Variants in CEP192 observed in about 807,000 individuals in gnomAD.
CEP192 encodes the protein centrosomal protein of 192 kDa.
A neutral mutation model predicts 271.8 loss-of-function variants in CEP192; 151 were observed. The observed-to-expected ratio is 0.56, with a 90% confidence interval of 0.49 to 0.64. The LOEUF (loss-of-function observed/expected upper bound fraction) is 0.64. Among genes scored for constraint, CEP192 ranks in the 30% least tolerant of loss-of-function variants. The pLI, the probability that CEP192 is intolerant of heterozygous loss-of-function variation, is 0.00. For synonymous variants in CEP192, 995 were observed against 1,076.5 expected (o/e 0.92, Z 1.48); for missense variants, 2,910 against 3,020.5 (o/e 0.96, Z 0.86).
intron 20 of CEP192, 135 bp from the exon 21 acceptor site, chr18:13,058,947 G>C: frequency 1.6e-6 from 1 of 643,630 alleles, no homozygotes; most frequent in Non-Finnish European, 2.7e-6. Flanking sequence ...ACAAGGTTTT[G>C]ACATTTTTGA....
At position 13,049,312 on chromosome 18, in the gene CEP192, A is replaced by G; in HGVS notation, c.2521A>G (p.Thr841Ala). ...SVSVRAPEEN[T>A]AAIVYVENGE... ...AAGTGTGAGGGCACCAGAAGAAAACACAGCAGCTATTGTTTATGTTGAAAA... is the reference window on the plus strand; with the variant it reads ...AAGTGTGAGGGCACCAGAAGAAAACGCAGCAGCTATTGTTTATGTTGAAAA... The change falls in exon 16 of 45, where the codon ACA becomes GCA. Residue 841 changes from threonine (T) to alanine (A), a missense_variant. By Grantham distance (58) the Thr-to-Ala change is moderately conservative (BLOSUM62 0). Coordinates refer to ENST00000506447, the MANE Select transcript of CEP192 (RefSeq NM_032142.4). 2 of 1,614,178 alleles carry G rather than the reference A, an allele frequency of 1.2e-6. No individual in the cohort carries two copies. The highest frequency in any genetic ancestry group is 8.5e-7 in the Non-Finnish European group (1 of 1,180,028).
Position 13,041,104 on chromosome 18 carries a change from T to C in CEP192, c.1936+148T>C, listed in dbSNP as rs958849014. 1.3e-4 allele frequency: 79 copies of C among 616,362 alleles called. No individual in the cohort carries two copies. The African/African-American group carries it at 1.4e-3, about 11-fold the overall frequency. 38.2% of individuals were successfully genotyped at this position (616,362 alleles called of 1,614,324 possible). A position where few individuals can be genotyped will look rare whatever the true frequency, so the allele number is the denominator to read the frequency against. On this transcript the variant is annotated intron_variant, in intron 14 of 44. Transcript: ENST00000506447. ...GTGTTGGTTATAGATTTGATTCATA[T>C]GTAACCCCATATATCCTTTTCAATC...
rs140835195 is a variant in CEP192 at position 13,041,231 on chromosome 18, G to T, written c.1936+275G>T. Among the ~76,000 whole-genome samples the T allele has an allele frequency of 5.8e-3, 879 of 152,264 alleles. 14 individuals carry two copies. The highest frequency in any genetic ancestry group is 0.02 in the African/African-American group (842 of 41,548). On this transcript the variant is annotated intron_variant, in intron 14 of 44. Transcript: ENST00000506447. ...AGTTAATGTTGGCTATTGAATTATT[G>T]AGTTAATTAATCGTAGATATAATTT...
chr18:12,999,340 GT>G (rs2033462587), intron 1 of CEP192, 80 bp from the exon 2 acceptor site: 2 of 1,120,566 alleles, frequency 1.8e-6, no homozygotes, highest in Non-Finnish European at 1.2e-6. Flanking sequence ...AGATTTATTA[GT>G]TTTCTAAGAC....
chr18:13,029,260 ATAT>A (rs1568304016), intron 9 of CEP192, among the ~76,000 whole-genome samples: 2 of 152,278 alleles, frequency 1.3e-5, no homozygotes, highest in African/African-American at 4.8e-5. Context: ...CTATTAAAAG[ATAT>A]TAATATCTAG....
In CEP192 at chr18:13,011,532, T is replaced by TTTTG. The variant is rs769127652; in HGVS notation, c.467-1438_467-1437insGTTT. ...AGAAACTTTGTTTTGTTTTGTTTTG[T>TTTTG]TTTTTTTTGAGACAGAGTCTTGCTC... is the stretch of plus-strand genomic sequence containing the variant. On this transcript the variant is annotated intron_variant, in intron 4 of 44. Coordinates refer to ENST00000506447, the MANE Select transcript of CEP192 (RefSeq NM_032142.4). 1.3e-3 allele frequency among the ~76,000 whole-genome samples: 19 copies of TTTTG among 15,080 alleles called. No homozygotes were observed. The African/African-American group carries it at 0.016, about 12-fold the overall frequency. 9.9% of individuals were successfully genotyped at this position (15,080 alleles called of 152,430 possible).
At chr18:13,072,694 C>A in intron 28 of CEP192, 61 bp from the exon 29 acceptor site, 1 of 1,169,060 alleles carries the variant, frequency 8.6e-7, no homozygotes, top group Non-Finnish European at 1.3e-6. Context: ...TGGCTTTATT[C>A]TTATAATGGT....
At chr18:13,015,036 A>G (rs900281523) in intron 5 of CEP192, among the ~76,000 whole-genome samples, 58 of 152,118 alleles carry the variant, frequency 3.8e-4, no homozygotes, top group African/African-American at 1.3e-3. Flanking sequence ...AAGTTCAGTT[A>G]TGTATTTGTG....
Position 13,068,943 on chromosome 18 carries a change from C to G in CEP192, c.4914C>G (p.Leu1638=). ...CGCCCGTTCTTAGAAGTGTGAGTCTCCGAGCAAGAGCAGGAATAGCTAGGA... is the reference window on the plus strand; with the variant it reads ...CGCCCGTTCTTAGAAGTGTGAGTCTGCGAGCAAGAGCAGGAATAGCTAGGA... ...NPTPVLRSVS[L]RARAGIARIH... The change falls in exon 25 of 45, where the codon CTC becomes CTG. Residue 1638 remains leucine, a synonymous_variant. Coordinates refer to ENST00000506447, the MANE Select transcript of CEP192 (RefSeq NM_032142.4). 3 of 1,614,142 alleles carry G rather than the reference C, an allele frequency of 1.9e-6. No homozygotes were observed. Among genetic ancestry groups the G allele is most frequent in the Non-Finnish European group, 2.5e-6 (3 of 1,180,028 alleles).
chr18:13,018,673 T>TA lies in CEP192; in HGVS notation c.925+58_925+59insA. 11 of 1,202,896 alleles carry TA rather than the reference T, an allele frequency of 9.1e-6. No individual in the cohort carries two copies. In the African/African-American group the frequency reaches 9.4e-5, roughly 10 times the overall value. 74.5% of individuals were successfully genotyped at this position (1,202,896 alleles called of 1,614,324 possible). ...AGTTCTAGTTTTGACTTTACTTTTTTTAAAAAAAAAATATTTCTCTGGTAT... is the reference window on the plus strand; with the variant it reads ...AGTTCTAGTTTTGACTTTACTTTTTTATAAAAAAAAAATATTTCTCTGGTAT... On this transcript the variant is annotated intron_variant, in intron 8 of 44. Coordinates refer to ENST00000506447, the MANE Select transcript of CEP192 (RefSeq NM_032142.4).
chr18:13,056,727 C>T (rs748010573), intron 19 of CEP192, 29 bp downstream of exon 19: 1 of 1,504,454 alleles, frequency 6.6e-7, no homozygotes, highest in Non-Finnish European at 9.0e-7. Context: ...ATTATTATTA[C>T]TTGCTATTAT....
chr18:13,056,422 C>T lies in CEP192; in HGVS notation c.3832C>T (p.Pro1278Ser). The change falls in exon 19 of 45, where the codon CCT becomes TCT. Residue 1278 changes from proline (P) to serine (S), a missense_variant. Physicochemically the swap from Pro to Ser is moderately conservative, Grantham distance 74. Coordinates refer to ENST00000506447, the MANE Select transcript of CEP192 (RefSeq NM_032142.4). ...TLPSTGSTTL[P>S]QCHAGNATVC... Reference sequence around the variant, plus strand: ...CCCTTCAACTGGAAGCACCACCTTGCCTCAGTGCCATGCTGGCAATGCCAC... The same window carrying T: ...CCCTTCAACTGGAAGCACCACCTTGTCTCAGTGCCATGCTGGCAATGCCAC... The T allele has an allele frequency of 6.2e-7, 1 of 1,614,250 alleles. No individual in the cohort carries two copies.
intron 15 of CEP192, among the ~76,000 whole-genome samples, chr18:13,043,865 T>A (rs2036335567): frequency 6.6e-6 from 1 of 152,216 alleles, no homozygotes; most frequent in African/African-American, 2.4e-5. Flanking sequence ...CTTTTATTTT[T>A]AATTTTTGTG....
rs1393992944 is a variant in CEP192, at chr18:13,042,338, G to A, written c.2067+4G>A. The stretch of plus-strand genomic sequence containing the variant: ...GGCTGATAAAGGCAAAACAGAGGTA[G>A]CTTCAGCCTTTCGTAAGGAAATCTA... On this transcript the variant is annotated splice_donor_region_variant and intron_variant, in intron 15 of 44. Coordinates refer to ENST00000506447, the MANE Select transcript of CEP192 (RefSeq NM_032142.4). 3 of 1,613,536 alleles carry A rather than the reference G, an allele frequency of 1.9e-6. No homozygotes were observed. Among genetic ancestry groups the A allele is most frequent in the Non-Finnish European group, 1.7e-6 (2 of 1,179,716 alleles).
chr18:12,992,467 C>T (rs538518281), intron 1 of CEP192, among the ~76,000 whole-genome samples: 3 of 152,064 alleles, frequency 2.0e-5, no homozygotes, highest in Non-Finnish European at 4.4e-5. Context: ...ATTAGTGAGT[C>T]CAGATGTGAA....
At chr18:13,074,195 C>G (rs2038156613) in intron 30 of CEP192, among the ~76,000 whole-genome samples, 1 of 152,132 alleles carries the variant, frequency 6.6e-6, no homozygotes, top group Non-Finnish European at 1.5e-5. Context: ...TTAACAATAT[C>G]TAAAAGTTTT....
chr18:12,991,790 A>G (rs940128418), intron 1 of CEP192, among the ~76,000 whole-genome samples: 4 of 151,980 alleles, frequency 2.6e-5, no homozygotes, highest in African/African-American at 7.3e-5. Flanking sequence ...TCTCCGTGCT[A>G]CCCTCTGGAG....
At chr18:13,093,639 A>T (rs2039254206) in intron 34 of CEP192, among the ~76,000 whole-genome samples, 1 of 152,214 alleles carries the variant, frequency 6.6e-6, no homozygotes, top group Non-Finnish European at 1.5e-5. Context: ...ATTTGACACA[A>T]GGTCTCTAAA....
At chr18:13,001,655 G>A in intron 3 of CEP192, 73 bp downstream of exon 3, 1 of 1,339,334 alleles carries the variant, frequency 7.5e-7, no homozygotes, top group Non-Finnish European at 1.0e-6. Flanking sequence ...AAATGACAAT[G>A]TGATTGTGTA....
Sources: allele counts gnomAD v4.1 joint callset (sites outside exome capture counted in the v4.1 genomes callset), GRCh38; gene constraint gnomAD v4.1.1; transcripts MANE v1.5; gene names NCBI Gene and HGNC (gene_info 2026-07-23, HGNC 2026-07-21).